The following RGS6 variants were observed in gnomAD, a reference collection of about 807,000 sequenced individuals.
RGS6 encodes the protein regulator of G-protein signaling 6.
In RGS6, 30 loss-of-function variants were observed where a neutral mutation model predicts 78.5. The ratio of observed to expected loss-of-function variants is 0.38; its 90% CI spans 0.29 to 0.52. The LOEUF is 0.52. Ranked by LOEUF, RGS6 falls within the 20% of genes least tolerant of loss-of-function variation. The pLI is 0.85. For synonymous variants in RGS6, 206 were observed against 206.0 expected, an observed-to-expected ratio of 1.00 and a Z score of 0.00; for missense variants, 495 against 609.7, an observed-to-expected ratio of 0.81 and a Z score of 1.98.
At chr14:71,887,241 G>C in the RGS6 span, among the ~76,000 whole-genome samples, 3 of 152,130 alleles carry the variant, frequency 2.0e-5, no homozygotes, top group African/African-American at 7.2e-5. Flanking sequence ...CGTCACCTCA[G>C]GACCACTGTG....
At chr14:72,015,040 A>G (rs1399187872) in intron 2 of RGS6, among the ~76,000 whole-genome samples, 1 of 152,162 alleles carries the variant, frequency 6.6e-6, no homozygotes, top group Non-Finnish European at 1.5e-5. Context: ...TTGTGTTGCT[A>G]TAAAGGAATA....
intron 2 of RGS6, among the ~76,000 whole-genome samples, chr14:72,155,776 C>A (rs753906182): frequency 6.6e-6 from 1 of 152,238 alleles, no homozygotes; most frequent in African/African-American, 2.4e-5. Context: ...CTGTTTGAAT[C>A]ATCACATCTA....
At chr14:72,339,616 T>C (rs893519222) in intron 2 of RGS6, among the ~76,000 whole-genome samples, 1 of 152,048 alleles carries the variant, frequency 6.6e-6, no homozygotes, top group Non-Finnish European at 1.5e-5. Flanking sequence ...AGGACATTTT[T>C]TGGTGCAGGA....
intron 2 of RGS6, among the ~76,000 whole-genome samples, chr14:72,040,413 T>A (rs547151031): frequency 2.6e-5 from 4 of 152,208 alleles, no homozygotes; most frequent in African/African-American, 7.2e-5. Context: ...TTTTTTTCTT[T>A]TAGCATGTTG....
chr14:71,975,754 A>G (rs899472041), intron 2 of RGS6, among the ~76,000 whole-genome samples: 11 of 152,046 alleles, frequency 7.2e-5, no homozygotes, highest in African/African-American at 2.4e-4. Context: ...ACCATGCCCG[A>G]CTGTGCTTGG....
At chr14:72,246,905 CAAAAAA>C (rs10534194) in intron 2 of RGS6, among the ~76,000 whole-genome samples, 2 of 145,304 alleles carry the variant, frequency 1.4e-5, no homozygotes, top group African/African-American at 2.6e-5. Context: ...GACTCCATCT[CAAAAAA>C]AAAAAAAAAA....
intron 1 of RGS6, among the ~76,000 whole-genome samples, chr14:71,935,025 T>C (rs576527136): frequency 2.0e-5 from 3 of 152,372 alleles, no homozygotes; most frequent in Admixed American, 2.0e-4. Flanking sequence ...GGTATTGCTC[T>C]GAACCTAGGA....
At chr14:72,259,283 T>C (rs2057673878) in intron 2 of RGS6, among the ~76,000 whole-genome samples, 1 of 152,222 alleles carries the variant, frequency 6.6e-6, no homozygotes, top group Non-Finnish European at 1.5e-5. Context: ...ATATTGTAAC[T>C]ATATATCAAA....
chr14:72,286,148 T>G (rs1447968544), intron 2 of RGS6, among the ~76,000 whole-genome samples: 1 of 152,220 alleles, frequency 6.6e-6, no homozygotes, highest in East Asian at 1.9e-4. Flanking sequence ...GTTTCAGGTC[T>G]TACATTTAAG....
intron 2 of RGS6, among the ~76,000 whole-genome samples, chr14:72,322,771 A>G (rs183190151): frequency 3.7e-4 from 56 of 152,262 alleles, no homozygotes; most frequent in Non-Finnish European, 6.6e-4. Flanking sequence ...TTCATAAAAT[A>G]TTGTCAAAAT....
chr14:72,624,310 C>A, the RGS6 span, among the ~76,000 whole-genome samples: 2 of 146,928 alleles, frequency 1.4e-5, no homozygotes, highest in Admixed American at 6.8e-5. Flanking sequence ...ATTTTAATTT[C>A]TCCAGTTTTC....
chr14:72,182,459 T>A (rs577246820), intron 2 of RGS6, among the ~76,000 whole-genome samples: 13 of 142,588 alleles, frequency 9.1e-5, no homozygotes, highest in African/African-American at 3.1e-4. Flanking sequence ...TAAGAAAGAA[T>A]AGCTTATATT....
intron 1 of RGS6, among the ~76,000 whole-genome samples, chr14:71,946,648 G>A (rs960670621): frequency 9.9e-5 from 15 of 152,186 alleles, no homozygotes; most frequent in Admixed American, 1.3e-4. Context: ...AGGCTAAGTA[G>A]ATGAATTGGA....
chr14:72,398,026 T>C (rs1181167883), intron 3 of RGS6, among the ~76,000 whole-genome samples: 1 of 152,178 alleles, frequency 6.6e-6, no homozygotes, highest in African/African-American at 2.4e-5. Context: ...TTATGTGGTG[T>C]CTCTGCCAGG....
At chr14:72,206,496 A>C (rs2042743270) in intron 2 of RGS6, among the ~76,000 whole-genome samples, 1 of 152,134 alleles carries the variant, frequency 6.6e-6, no homozygotes, top group Non-Finnish European at 1.5e-5. Flanking sequence ...CACACACAGC[A>C]TGTTTTCATG....
intron 2 of RGS6, among the ~76,000 whole-genome samples, chr14:72,329,620 A>G (rs1385722218): frequency 6.6e-6 from 1 of 152,256 alleles, no homozygotes; most frequent in African/African-American, 2.4e-5. Flanking sequence ...TTAGGAAAAG[A>G]GAAGAACTCT....
intron 11 of RGS6, 128 bp from the exon 12 acceptor site, chr14:72,478,140 G>A (rs1598107370): frequency 1.5e-6 from 1 of 661,640 alleles, no homozygotes; most frequent in Non-Finnish European, 2.7e-6. Context: ...CAGAGCTGAG[G>A]GAGTTGGAGA....
Position 71,964,493 on chromosome 14 carries a change from C to T in RGS6, c.-20-279C>T, listed in dbSNP as rs140930318. ...TGCACTCTAGCCTGGGCAATAAGAGCGAAACTCTGTCTCAAAAAAAAACAA... is the reference window on the plus strand; with the variant it reads ...TGCACTCTAGCCTGGGCAATAAGAGTGAAACTCTGTCTCAAAAAAAAACAA... On this transcript the variant is annotated intron_variant, in intron 1 of 17. Transcript: ENST00000553525. Among the ~76,000 whole-genome samples the T allele has an allele frequency of 0.013, 2,045 of 151,932 alleles. 20 individuals carry two copies. The highest frequency in any genetic ancestry group is 0.021 in the Non-Finnish European group (1,426 of 67,958).
At chr14:72,126,145 T>G (rs1046841758) in intron 2 of RGS6, among the ~76,000 whole-genome samples, 1 of 152,192 alleles carries the variant, frequency 6.6e-6, no homozygotes, top group Non-Finnish European at 1.5e-5. Flanking sequence ...TTGAGAAGTT[T>G]AGGGTTGGGC....
Sources: gnomAD v4.1 joint callset for allele counts (sites outside exome capture counted in the v4.1 genomes callset) on GRCh38, gnomAD v4.1.1 for gene constraint, MANE v1.5 for transcripts, NCBI Gene and HGNC (gene_info 2026-07-23, HGNC 2026-07-21) for gene names.